The following UNC5D variants were observed in gnomAD, a reference collection of about 807,000 sequenced individuals.
UNC5D encodes unc-5 netrin receptor D.
Under a neutral mutation model 105.4 loss-of-function variants are expected in UNC5D, and 39 were observed. That is an observed-to-expected ratio of 0.37 (90% CI 0.29 to 0.48). The LOEUF is 0.48. Among genes scored for constraint, UNC5D ranks in the 20% least tolerant of loss-of-function variants. The pLI is 0.98. For synonymous variants in UNC5D, 452 were observed against 450.4 expected, an observed-to-expected ratio of 1.00 and a Z score of -0.04; for missense variants, 991 against 1,202.4, an observed-to-expected ratio of 0.82 and a Z score of 2.60.
At chr8:35,435,594 T>G (rs1806954311) in intron 1 of UNC5D, among the ~76,000 whole-genome samples, 1 of 152,088 alleles carries the variant, frequency 6.6e-6, no homozygotes, top group African/African-American at 2.4e-5. Context: ...AATGTAAGAA[T>G]TCATTCAAAA....
At chr8:35,564,221 T>C (rs1817168576) in intron 2 of UNC5D, among the ~76,000 whole-genome samples, 1 of 152,118 alleles carries the variant, frequency 6.6e-6, no homozygotes, top group Admixed American at 6.6e-5. Context: ...ATATGTTATG[T>C]GCTGAAGAGA....
chr8:35,261,265 G>A (rs572078992), intron 1 of UNC5D, among the ~76,000 whole-genome samples: 2 of 152,238 alleles, frequency 1.3e-5, no homozygotes, highest in African/African-American at 2.4e-5. Flanking sequence ...TTTATTGCCA[G>A]TACCTTCTAT....
chr8:35,478,427 G>A (rs924518677), intron 1 of UNC5D, among the ~76,000 whole-genome samples: 1 of 152,086 alleles, frequency 6.6e-6, no homozygotes, highest in Non-Finnish European at 1.5e-5. Context: ...TTCATAAAAA[G>A]GTTGTGACAT....
At chr8:35,509,352 G>A (rs1243906880) in intron 1 of UNC5D, among the ~76,000 whole-genome samples, 1 of 151,090 alleles carries the variant, frequency 6.6e-6, no homozygotes, top group Non-Finnish European at 1.5e-5. Context: ...TCCATGGGAT[G>A]TAGGGGTACA....
intron 1 of UNC5D, among the ~76,000 whole-genome samples, chr8:35,452,175 G>A (rs1020660279): frequency 4.6e-5 from 7 of 152,162 alleles, no homozygotes; most frequent in African/African-American, 1.7e-4. Context: ...AATCACAAGT[G>A]AACCATACGA....
intron 1 of UNC5D, among the ~76,000 whole-genome samples, chr8:35,456,161 G>A (rs1221751026): frequency 6.6e-6 from 1 of 152,232 alleles, no homozygotes; most frequent in African/African-American, 2.4e-5. Context: ...AGTTTCATTA[G>A]AACATTACCT....
chr8:35,560,403 G>T (rs115149669), intron 2 of UNC5D, among the ~76,000 whole-genome samples: 51 of 152,142 alleles, frequency 3.4e-4, no homozygotes, highest in Non-Finnish European at 1.8e-4. Flanking sequence ...AATATATCAC[G>T]TATATGTATG....
Position 35,313,115 on chromosome 8 carries a change from A to G in UNC5D, c.103+77228A>G, listed in dbSNP as rs951822707. ...GTCACCACTGGAGTAGATATTAGCC[A>G]TATTTATTTTATTAGAGTTTACACA... On this transcript the variant is annotated intron_variant, in intron 1 of 16. Transcript: ENST00000404895. Among the ~76,000 whole-genome samples the G allele has an allele frequency of 6.6e-5, 10 of 152,326 alleles. No individual in the cohort carries two copies. The South Asian group carries it at 1.0e-3, about 16-fold the overall frequency.
intron 1 of UNC5D, among the ~76,000 whole-genome samples, chr8:35,376,937 C>T (rs536274601): frequency 6.6e-6 from 1 of 152,324 alleles, no homozygotes; most frequent in South Asian, 2.1e-4. Flanking sequence ...TTGAGCCCCT[C>T]ATCTCATAGT....
chr8:35,550,921 C>G (rs374431754), intron 2 of UNC5D, among the ~76,000 whole-genome samples: 4 of 152,242 alleles, frequency 2.6e-5, no homozygotes, highest in East Asian at 3.9e-4. Context: ...ATACGTTCAG[C>G]AAAACGTTTG....
At chr8:35,525,137 C>A (rs1328249593) in intron 1 of UNC5D, 2 of 1,605,310 alleles carry the variant, frequency 1.2e-6, no homozygotes, top group Non-Finnish European at 8.5e-7. Context: ...CCAGCGCCTC[C>A]TTGGCTGGAT....
chr8:35,688,408 T>C (rs1216607150), intron 7 of UNC5D, among the ~76,000 whole-genome samples: 2 of 152,228 alleles, frequency 1.3e-5, no homozygotes, highest in Admixed American at 6.5e-5. Context: ...CTGCTACCTG[T>C]TGTATTTTCA....
intron 3 of UNC5D, among the ~76,000 whole-genome samples, chr8:35,593,456 A>G (rs1486403374): frequency 3.9e-5 from 6 of 152,266 alleles, no homozygotes; most frequent in Middle Eastern, 6.8e-3. Flanking sequence ...AAAAATAACA[A>G]ACAAACCAAA....
chr8:35,674,188 G>A (rs1825034016), intron 4 of UNC5D, among the ~76,000 whole-genome samples: 1 of 152,138 alleles, frequency 6.6e-6, no homozygotes, highest in Non-Finnish European at 1.5e-5. Flanking sequence ...TTCTTCCTTA[G>A]GAGTGATCAT....
intron 1 of UNC5D, among the ~76,000 whole-genome samples, chr8:35,322,222 T>A (rs549044173): frequency 6.6e-6 from 1 of 152,222 alleles, no homozygotes; most frequent in South Asian, 2.1e-4. Context: ...ATTTCTCTTT[T>A]CAAAGGTGCA....
At chr8:35,526,977 G>A (rs1377461280) in intron 1 of UNC5D, among the ~76,000 whole-genome samples, 1 of 152,138 alleles carries the variant, frequency 6.6e-6, no homozygotes, top group Admixed American at 6.5e-5. Flanking sequence ...CTGTGCCTTT[G>A]CTTCTGCTCT....
chr8:35,290,539 TAGAC>T (rs999415696), intron 1 of UNC5D, among the ~76,000 whole-genome samples: 2 of 152,126 alleles, frequency 1.3e-5, no homozygotes, highest in African/African-American at 4.8e-5. Context: ...AAGTTTCTAA[TAGAC>T]AGGAAGAGTA....
chr8:35,488,648 G>A (rs1011627804), intron 1 of UNC5D, among the ~76,000 whole-genome samples: 4 of 152,192 alleles, frequency 2.6e-5, no homozygotes, highest in Non-Finnish European at 4.4e-5. Flanking sequence ...ACATTGAATT[G>A]TGTTTTCTCT....
At chr8:35,406,173 A>G (rs1804788001) in intron 1 of UNC5D, among the ~76,000 whole-genome samples, 1 of 152,150 alleles carries the variant, frequency 6.6e-6, no homozygotes, top group Non-Finnish European at 1.5e-5. Context: ...TCCAATTATA[A>G]TTACTTTTTA....
Sources: allele counts gnomAD v4.1 joint callset (sites outside exome capture counted in the v4.1 genomes callset), GRCh38; gene constraint gnomAD v4.1.1; transcripts MANE v1.5; gene names NCBI Gene and HGNC (gene_info 2026-07-23, HGNC 2026-07-21).